Variants in CPLANE1 observed in about 807,000 individuals in gnomAD.
CPLANE1 encodes the protein ciliogenesis and planar polarity effector complex subunit 1, also known as ciliogenesis and planar polarity effector 1.
Under a neutral mutation model 362.5 loss-of-function variants are expected in CPLANE1, and 263 were observed. The observed-to-expected ratio is 0.73, with a 90% CI of 0.66 to 0.80. The LOEUF is 0.80. Among genes scored for constraint, CPLANE1 ranks in the 30% least tolerant of loss-of-function variants. The pLI is 0.00. For missense variants in CPLANE1, 3,461 were observed against 3,793.4 expected (o/e 0.91, Z 2.30); for synonymous variants, 1,212 against 1,302.6 (o/e 0.93, Z 1.50).
In CPLANE1 at chr5:37,153,773, G is replaced by A. The variant is rs2150618615; in HGVS notation, c.8340C>T (p.Pro2780=). The change falls in exon 42 of 53, where the codon CCC becomes CCT. Residue 2780 remains proline, a synonymous_variant. Coordinates refer to ENST00000651892, the MANE Select transcript of CPLANE1 (RefSeq NM_001384732.1). Reference sequence around the variant, plus strand: ...AATGTAGATCTAGCATTTCAGGCTTGGGGAAATCCTGTTCTATGTTTTCAG... The same window carrying A: ...AATGTAGATCTAGCATTTCAGGCTTAGGGAAATCCTGTTCTATGTTTTCAG... ...NIAENIEQDF[P]KPEMLDLHCD... The A allele has an allele frequency of 1.2e-6, 2 of 1,613,066 alleles. No individual in the cohort carries two copies. The highest frequency in any genetic ancestry group is 1.7e-6 in the Non-Finnish European group (2 of 1,179,434).
At chr5:37,247,780 G>T in intron 1 of CPLANE1, 35 bp from the exon 2 acceptor site, 1 of 1,384,112 alleles carries the variant, frequency 7.2e-7, no homozygotes, top group South Asian at 1.5e-5. Flanking sequence ...TATAAATGAT[G>T]CATAATATTC....
At chr5:37,144,527 A>G (rs1222948689) in intron 43 of CPLANE1, among the ~76,000 whole-genome samples, 1 of 151,880 alleles carries the variant, frequency 6.6e-6, no homozygotes, top group Non-Finnish European at 1.5e-5. Flanking sequence ...GGTTTTATAC[A>G]TTTGTTGCCT....
chr5:37,093,079 C>G, the CPLANE1 span, among the ~76,000 whole-genome samples: 1 of 152,128 alleles, frequency 6.6e-6, no homozygotes, highest in Non-Finnish European at 1.5e-5. Context: ...CGTACCCTGT[C>G]CCAGGTCAGA....
At chr5:37,222,720 G>C (rs550448330) in intron 14 of CPLANE1, among the ~76,000 whole-genome samples, 2 of 152,304 alleles carry the variant, frequency 1.3e-5, no homozygotes, top group South Asian at 4.1e-4. Flanking sequence ...CCCCAAGTCA[G>C]AGAACTACAC....
In CPLANE1 at chr5:37,195,930, C is replaced by T; in HGVS notation, c.3739G>A (p.Gly1247Arg). The T allele has an allele frequency of 6.2e-7, 1 of 1,612,946 alleles. No individual in the cohort carries two copies. The highest frequency in any genetic ancestry group is 8.5e-7 in the Non-Finnish European group (1 of 1,179,542). Residue 1247 changes from glycine to arginine, a missense_variant, in exon 21 of 53, where the codon GGA (glycine) becomes AGA (arginine). Gly to Arg is a moderately radical substitution (Grantham distance 125, BLOSUM62 -2). Around this residue, in one of 2 missense-constraint regions of CPLANE1, gnomAD observed 3,380 missense variants for 3,666.1 expected, o/e 0.92. Coordinates refer to ENST00000651892, the MANE Select transcript of CPLANE1 (RefSeq NM_001384732.1). ...FPQSLLNYCK[G>R]GIAFFRPGAA... is the part of the protein sequence containing the mutation. ...CCAGGTCTAAAAAATGCGATACCTC[C>T]TTTACAGTAATTAAGTAATGACTGA...
chr5:37,199,123 A>G (rs1197526080), intron 19 of CPLANE1, among the ~76,000 whole-genome samples: 2 of 144,742 alleles, frequency 1.4e-5, no homozygotes, highest in Admixed American at 1.4e-4. Context: ...AAAAAAAAAG[A>G]TAGGCTAATG....
chr5:37,214,152 A>T (rs1793394399), intron 15 of CPLANE1, among the ~76,000 whole-genome samples: 1 of 152,196 alleles, frequency 6.6e-6, no homozygotes, highest in African/African-American at 2.4e-5. Flanking sequence ...AAATACATAT[A>T]AACTATAAAA....
intron 42 of CPLANE1, among the ~76,000 whole-genome samples, chr5:37,150,283 G>A (rs1482592825): frequency 6.6e-6 from 1 of 152,060 alleles, no homozygotes; most frequent in Non-Finnish European, 1.5e-5. Flanking sequence ...ATCCTTACAA[G>A]GCAGTGTTTC....
chr5:37,111,190 G>A (rs1385679950), intron 51 of CPLANE1, among the ~76,000 whole-genome samples: 1 of 149,964 alleles, frequency 6.7e-6, no homozygotes, highest in Admixed American at 6.7e-5. Flanking sequence ...GCATGATCTC[G>A]GCTCACTGCA....
At chr5:37,215,429 T>A (rs889424980) in intron 15 of CPLANE1, among the ~76,000 whole-genome samples, 6 of 152,144 alleles carry the variant, frequency 3.9e-5, no homozygotes, top group Non-Finnish European at 8.8e-5. Flanking sequence ...ATACAACATA[T>A]AAAATATATG....
rs760750533 is a variant in CPLANE1 at position 37,158,272 on chromosome 5, C to T, written c.7764G>A (p.Met2588Ile). The T allele has an allele frequency of 7.9e-5, 128 of 1,613,782 alleles. No homozygotes were observed. The highest frequency in any genetic ancestry group is 1.1e-4 in the Non-Finnish European group (125 of 1,179,922). The stretch of plus-strand genomic sequence containing the variant: ...TTGAGGGTGACCAAGGTTTCTCTGA[C>T]ATTTCACTGGAAAGCTTCAGATTTA... Reference protein sequence around the residue: ...VYLNLKLSSEMSEKPWSPSIP... With the variant: ...VYLNLKLSSEISEKPWSPSIP... Residue 2588 changes from methionine to isoleucine, a missense_variant, in exon 39 of 53, where the codon ATG becomes ATA. Coordinates refer to ENST00000651892, the MANE Select transcript of CPLANE1 (RefSeq NM_001384732.1).
At chr5:37,097,609 T>C in the CPLANE1 span, among the ~76,000 whole-genome samples, 7 of 152,184 alleles carry the variant, frequency 4.6e-5, no homozygotes, top group African/African-American at 1.7e-4. Flanking sequence ...GAGAAGTGCC[T>C]AGTCACATAC....
At chr5:37,114,223 T>C (rs1404538616) in intron 51 of CPLANE1, among the ~76,000 whole-genome samples, 1 of 152,202 alleles carries the variant, frequency 6.6e-6, no homozygotes, top group Non-Finnish European at 1.5e-5. Context: ...AGTGAGATAA[T>C]GCACATGAGG....
At position 37,180,955 on chromosome 5, in the gene CPLANE1, C is replaced by T; in HGVS notation, c.5472G>A (p.Arg1824=). The T allele has an allele frequency of 6.2e-7, 1 of 1,614,030 alleles. No homozygotes were observed. The highest frequency in any genetic ancestry group is 2.2e-5 in the East Asian group (1 of 44,878). The change falls in exon 27 of 53, where the codon AGG becomes AGA. Residue 1824 remains arginine (R), a synonymous_variant. Coordinates refer to ENST00000651892, the MANE Select transcript of CPLANE1 (RefSeq NM_001384732.1). ...AACCGCCAGCATCTGATTTGCTCTC[C>T]CTCTCAATATTGGGTCCAATCTGAC... ...TGCQIGPNIE[R]ESKSDAGGSV... is the part of the protein sequence containing the mutation.
the CPLANE1 span, chr5:37,085,153 C>A: frequency 1.3e-6 from 1 of 775,038 alleles, no homozygotes; most frequent in Non-Finnish European, 2.4e-6. Flanking sequence ...TGTCCATCCA[C>A]CAGTCCTCAC....
intron 43 of CPLANE1, among the ~76,000 whole-genome samples, chr5:37,143,145 C>G (rs371996869): frequency 6.6e-5 from 10 of 152,324 alleles, no homozygotes; most frequent in Admixed American, 4.6e-4. Context: ...GAAACGTATA[C>G]TAAAATTTGT....
intron 18 of CPLANE1, among the ~76,000 whole-genome samples, chr5:37,203,390 G>T (rs1182094601): frequency 6.6e-6 from 1 of 152,078 alleles, no homozygotes; most frequent in Admixed American, 6.5e-5. Context: ...TTCACTATTT[G>T]TTATTCCATT....
At chr5:37,100,623 T>A in the CPLANE1 span, among the ~76,000 whole-genome samples, 2 of 152,256 alleles carry the variant, frequency 1.3e-5, no homozygotes, top group African/African-American at 4.8e-5. Context: ...ATATGAATTT[T>A]AAAATAGTTT....
At chr5:37,210,638 T>C (rs1199903821) in intron 16 of CPLANE1, 1 of 1,598,208 alleles carries the variant, frequency 6.3e-7, no homozygotes, top group Non-Finnish European at 8.5e-7. Flanking sequence ...AACAAAACCA[T>C]ATGCTGAATG....
Sources: allele counts gnomAD v4.1 joint callset (sites outside exome capture counted in the v4.1 genomes callset), GRCh38; gene constraint gnomAD v4.1.1; regional missense constraint gnomAD v4.1.1; transcripts MANE v1.5; gene names NCBI Gene and HGNC (gene_info 2026-07-23, HGNC 2026-07-21).